The following NREP variants were observed in gnomAD, a reference collection of about 807,000 sequenced individuals.
NREP encodes neuronal regeneration-related protein.
In NREP, 5 loss-of-function variants were observed where a neutral mutation model predicts 8.6. The observed-to-expected ratio is 0.58, with a 90% CI of 0.30 to 1.22. NREP has a LOEUF of 1.22. Ranked by LOEUF, NREP falls within the 50% of genes most tolerant of loss-of-function variation. NREP has a pLI of 0.07. For missense variants in NREP, 86 were observed against 82.5 expected (o/e 1.04, Z -0.17); for synonymous variants, 27 against 28.0 (o/e 0.96, Z 0.11).
intron 2 of NREP, among the ~76,000 whole-genome samples, chr5:111,935,430 G>C (rs562257267): frequency 1.3e-5 from 2 of 152,056 alleles, no homozygotes; most frequent in African/African-American, 4.8e-5. Flanking sequence ...GAGGACTAGA[G>C]GGGAGGATGT....
intron 2 of NREP, among the ~76,000 whole-genome samples, chr5:111,862,737 A>C (rs1027868741): frequency 1.3e-5 from 2 of 151,938 alleles, no homozygotes; most frequent in African/African-American, 4.8e-5. Context: ...TAAAATATCG[A>C]GTTTACAATC....
chr5:111,955,410 C>G (rs1756283529), intron 2 of NREP, among the ~76,000 whole-genome samples: 1 of 149,832 alleles, frequency 6.7e-6, no homozygotes, highest in Non-Finnish European at 1.5e-5. Context: ...GACCTTGTAT[C>G]TATAGGTGTT....
At chr5:111,875,964 G>A (rs1753897696) in intron 2 of NREP, among the ~76,000 whole-genome samples, 1 of 152,212 alleles carries the variant, frequency 6.6e-6, no homozygotes, top group African/African-American at 2.4e-5. Flanking sequence ...AGCTGGTGGG[G>A]AGGCGGTGTC....
intron 2 of NREP, among the ~76,000 whole-genome samples, chr5:111,973,583 G>T (rs1252329435): frequency 2.0e-5 from 3 of 152,128 alleles, no homozygotes; most frequent in Non-Finnish European, 4.4e-5. Context: ...AAACTTTTCT[G>T]AAATTTCTGT....
chr5:111,894,238 A>G (rs1315820700), intron 2 of NREP, among the ~76,000 whole-genome samples: 2 of 152,002 alleles, frequency 1.3e-5, no homozygotes, highest in East Asian at 3.9e-4. Context: ...AAAAATAATA[A>G]TAATTAATAA....
intron 2 of NREP, among the ~76,000 whole-genome samples, chr5:111,901,263 TTTTCTTAGAAGA>T (rs1259462272): frequency 3.3e-5 from 5 of 152,154 alleles, no homozygotes; most frequent in African/African-American, 9.7e-5. Flanking sequence ...ATTTAATTAC[TTTTCTTAGAAGA>T]AAAAGTAATT....
intron 2 of NREP, among the ~76,000 whole-genome samples, chr5:111,970,159 A>G (rs1756769382): frequency 6.6e-6 from 1 of 152,200 alleles, no homozygotes; most frequent in South Asian, 2.1e-4. Context: ...TTCAACTATA[A>G]TTAAGTAAAA....
At chr5:111,747,416 C>A (rs1052841127) in intron 2 of NREP, among the ~76,000 whole-genome samples, 2 of 152,154 alleles carry the variant, frequency 1.3e-5, no homozygotes, top group Non-Finnish European at 2.9e-5. Context: ...CTTTTCCCTG[C>A]TGGAAATGTA....
upstream of NREP, chr5:111,757,739 G>C (rs1007015533): frequency 3.0e-6 from 3 of 984,224 alleles, no homozygotes; most frequent in African/African-American, 1.7e-5. Context: ...CGCCCCGGGA[G>C]CACGGCGCGC....
At chr5:111,869,424 T>A (rs985436219) in intron 2 of NREP, among the ~76,000 whole-genome samples, 2 of 152,244 alleles carry the variant, frequency 1.3e-5, no homozygotes, top group African/African-American at 4.8e-5. Context: ...TTACATTTCA[T>A]CTTCCCTCTA....
intron 2 of NREP, among the ~76,000 whole-genome samples, chr5:111,834,390 A>G (rs1015923920): frequency 1.3e-5 from 2 of 152,206 alleles, no homozygotes; most frequent in Non-Finnish European, 2.9e-5. Flanking sequence ...AGAACCATAC[A>G]TTTTGTAGTT....
chr5:111,783,936 T>C (rs1751552030), intron 2 of NREP, among the ~76,000 whole-genome samples: 4 of 152,212 alleles, frequency 2.6e-5, no homozygotes, highest in Admixed American at 2.6e-4. Flanking sequence ...TTATAAGACC[T>C]TCCTACACAA....
At chr5:111,851,368 C>A (rs959626373) in intron 2 of NREP, among the ~76,000 whole-genome samples, 1 of 152,170 alleles carries the variant, frequency 6.6e-6, no homozygotes, top group Non-Finnish European at 1.5e-5. Context: ...CAGTAAAATA[C>A]ATATGCCCCC....
intron 2 of NREP, among the ~76,000 whole-genome samples, chr5:111,880,377 T>A (rs1395540153): frequency 1.3e-5 from 2 of 152,222 alleles, no homozygotes; most frequent in African/African-American, 4.8e-5. Flanking sequence ...AGAAATATGT[T>A]TTCTCATGAT....
chr5:111,909,272 T>C (rs1251983102), intron 2 of NREP, among the ~76,000 whole-genome samples: 2 of 152,050 alleles, frequency 1.3e-5, no homozygotes, highest in Admixed American at 6.6e-5. Flanking sequence ...ATGCCAGAGA[T>C]ATAAAAAGAA....
chr5:111,918,524 TG>T (rs751252817), intron 2 of NREP, among the ~76,000 whole-genome samples: 44 of 152,132 alleles, frequency 2.9e-4, no homozygotes, highest in Admixed American at 1.2e-3. Context: ...CATAGACCAA[TG>T]GAACACAACA....
chr5:111,751,715 A>G (rs1044176400), intron 2 of NREP, among the ~76,000 whole-genome samples: 1 of 152,186 alleles, frequency 6.6e-6, no homozygotes, highest in Non-Finnish European at 1.5e-5. Flanking sequence ...TAACACGGGA[A>G]TTATACAGAT....
intron 3 of NREP, chr5:111,731,691 G>C: frequency 6.6e-6 from 1 of 152,308 alleles, no homozygotes; most frequent in East Asian, 1.9e-4. Context: ...GGCCAGAAGA[G>C]AGTGAGATTC....
At chr5:111,833,798 G>GA (rs1338298104) in intron 2 of NREP, among the ~76,000 whole-genome samples, 1 of 152,208 alleles carries the variant, frequency 6.6e-6, no homozygotes, top group Non-Finnish European at 1.5e-5. Flanking sequence ...AGGCAATATA[G>GA]AAATATGCGG....
Sources: gnomAD v4.1 joint callset for allele counts (sites outside exome capture counted in the v4.1 genomes callset) on GRCh38, gnomAD v4.1.1 for gene constraint, MANE v1.5 for transcripts, NCBI Gene and HGNC (gene_info 2026-07-23, HGNC 2026-07-21) for gene names.